The following FAIM variants were observed in gnomAD, a reference collection of about 807,000 sequenced individuals.
The protein encoded by FAIM is Fas apoptotic inhibitory molecule.
Under a neutral mutation model 21.2 loss-of-function variants are expected in FAIM, and 14 were observed. The observed-to-expected ratio is 0.66, with a 90% CI of 0.44 to 1.03. The LOEUF (loss-of-function observed/expected upper bound fraction) is 1.03, where lower values mean the gene tolerates loss of function less well. Among genes scored for constraint, FAIM ranks in the 50% least tolerant of loss-of-function variants. The pLI, the probability that FAIM is intolerant of heterozygous loss-of-function variation, is 0.00. For missense variants in FAIM, 222 were observed against 247.1 expected (o/e 0.90, Z 0.68); for synonymous variants, 86 against 80.4 (o/e 1.07, Z -0.37).
At chr3:138,611,058 C>T (rs772639483) in intron 1 of FAIM, 1 of 1,570,740 alleles carries the variant, frequency 6.4e-7, no homozygotes, top group Non-Finnish European at 8.8e-7. Flanking sequence ...TGCCCAGAGC[C>T]TGGTACATAA....
At chr3:138,628,630 A>G (rs142044939) in intron 4 of FAIM, among the ~76,000 whole-genome samples, 1,556 of 151,948 alleles carry the variant, frequency 0.01, 24 homozygotes, top group East Asian at 0.078. Context: ...GACTACAGGC[A>G]CCCACCACCA....
chr3:138,632,244 A>G (rs1256457949), intron 5 of FAIM, among the ~76,000 whole-genome samples: 1 of 151,656 alleles, frequency 6.6e-6, no homozygotes, highest in East Asian at 1.9e-4. Flanking sequence ...TTTGATTTAA[A>G]TCAATATACC....
chr3:138,623,223 GTTTT>G (rs560789239), intron 4 of FAIM, among the ~76,000 whole-genome samples: 7 of 151,730 alleles, frequency 4.6e-5, no homozygotes, highest in Non-Finnish European at 1.5e-5. Flanking sequence ...TTTTTGAAGA[GTTTT>G]TTTTGTTTGT....
At chr3:138,619,826 T>A (rs1472291228) in intron 2 of FAIM, 56 bp downstream of exon 2, 1 of 1,456,796 alleles carries the variant, frequency 6.9e-7, no homozygotes, top group Non-Finnish European at 9.6e-7. Context: ...ATTGTTATCA[T>A]TCAAAAGAGT....
intron 4 of FAIM, among the ~76,000 whole-genome samples, chr3:138,625,274 C>G (rs1407778818): frequency 2.6e-5 from 4 of 151,912 alleles, no homozygotes; most frequent in Non-Finnish European, 4.4e-5. Flanking sequence ...ACCAGCCTGA[C>G]CAACATGGTG....
At chr3:138,613,408 T>C (rs1279924629) in intron 1 of FAIM, among the ~76,000 whole-genome samples, 1 of 152,214 alleles carries the variant, frequency 6.6e-6, no homozygotes, top group African/African-American at 2.4e-5. Context: ...CTATCAGATA[T>C]ATGATTTCCA....
intron 1 of FAIM, among the ~76,000 whole-genome samples, chr3:138,612,209 T>A (rs1229451132): frequency 1.3e-5 from 2 of 149,734 alleles, no homozygotes; most frequent in Non-Finnish European, 1.5e-5. Flanking sequence ...CACGCCATTC[T>A]CCTGCCTCGG....
intron 4 of FAIM, 30 bp downstream of exon 4, chr3:138,622,446 T>C (rs774437301): frequency 7.1e-7 from 1 of 1,400,486 alleles, no homozygotes; most frequent in Non-Finnish European, 9.8e-7. Context: ...GCAGAACTTT[T>C]TTTTTTTTTT....
rs2042717813 is a variant in FAIM at position 138,608,862 on chromosome 3, C to G, written c.-92C>G. ...GGCCAGGGGAGCAAGGCCACGCGGC[C>G]TACGCAGCCGAGTCGGAACCAACCG... is the stretch of plus-strand genomic sequence containing the variant. On this transcript the variant is annotated 5_prime_UTR_variant, in exon 1 of 6. Coordinates refer to ENST00000360570, the MANE Select transcript of FAIM (RefSeq NM_001033031.2). The G allele has an allele frequency of 6.6e-6, 1 of 152,380 alleles. No individual in the cohort carries two copies. The highest frequency in any genetic ancestry group is 1.5e-5 in the Non-Finnish European group (1 of 68,176). 9.4% of individuals were successfully genotyped at this position (152,380 alleles called of 1,614,324 possible).
intron 1 of FAIM, among the ~76,000 whole-genome samples, chr3:138,615,551 G>A (rs536932839): frequency 6.6e-6 from 1 of 152,134 alleles, no homozygotes; most frequent in African/African-American, 2.4e-5. Context: ...CTGTGCTTTA[G>A]TGCCTTTTAG....
rs1342195380 is a variant in FAIM at position 138,633,019 on chromosome 3, A to ATTTC, written c.546_547insTTTC (p.Glu183PhefsTer12). ...AGGCTGTCAGTAGTGGGAAGCGGAA[A>ATTTC]GAAGGGATTATTCATACTCTCATTG... On this transcript the variant is annotated frameshift_variant, in exon 6 of 6. Coordinates refer to ENST00000360570, the MANE Select transcript of FAIM (RefSeq NM_001033031.2). LOFTEE classifies it high-confidence loss of function. The ATTTC allele has an allele frequency of 1.2e-6, 2 of 1,613,992 alleles. No homozygotes were observed. The highest frequency in any genetic ancestry group is 1.7e-6 in the Non-Finnish European group (2 of 1,179,938).
chr3:138,625,379 C>T (rs2042928600), intron 4 of FAIM, among the ~76,000 whole-genome samples: 1 of 151,938 alleles, frequency 6.6e-6, no homozygotes, highest in African/African-American at 2.4e-5. Flanking sequence ...AGGAGAATTG[C>T]TTGAGCCTGG....
intron 1 of FAIM, 87 bp from the exon 2 acceptor site, chr3:138,619,623 AC>A: frequency 8.6e-7 from 1 of 1,168,824 alleles, no homozygotes; most frequent in South Asian, 1.4e-5. Context: ...AATTAGAAAA[AC>A]CCTTTGTAGA....
At chr3:138,624,504 G>A (rs1330456025) in intron 4 of FAIM, among the ~76,000 whole-genome samples, 1 of 152,162 alleles carries the variant, frequency 6.6e-6, no homozygotes. Context: ...GCCTGGAAAT[G>A]AGACAGAGTT....
At chr3:138,611,011 G>C in intron 1 of FAIM, 1 of 1,613,740 alleles carries the variant, frequency 6.2e-7, no homozygotes, top group Non-Finnish European at 8.5e-7. Flanking sequence ...ATCATCTCTT[G>C]GTATCTCCGG....
intron 4 of FAIM, among the ~76,000 whole-genome samples, chr3:138,623,170 A>C (rs1424555328): frequency 6.6e-6 from 1 of 152,214 alleles, no homozygotes; most frequent in Non-Finnish European, 1.5e-5. Context: ...AGATAACAAT[A>C]GGCTTAGGAC....
At chr3:138,629,510 T>C (rs1341660525) in intron 5 of FAIM, 1 of 166,684 alleles carries the variant, frequency 6.0e-6, no homozygotes, top group Non-Finnish European at 1.3e-5. Flanking sequence ...AAGTGGTGCG[T>C]TATCACTGCT....
chr3:138,609,599 T>TCTCTCTCTCGA (rs2042743155), intron 1 of FAIM, among the ~76,000 whole-genome samples: 1 of 69,416 alleles, frequency 1.4e-5, no homozygotes, highest in Admixed American at 1.9e-4. Flanking sequence ...CTCGACTCTC[T>TCTCTCTCTCGA]CTCTCTCTCT....
intron 4 of FAIM, 73 bp downstream of exon 4, chr3:138,622,489 C>A: frequency 2.1e-6 from 2 of 973,810 alleles, no homozygotes; most frequent in South Asian, 1.7e-5. Context: ...TAACTGTATT[C>A]AGACCTTCTA....
Sources: allele counts gnomAD v4.1 joint callset (sites outside exome capture counted in the v4.1 genomes callset), GRCh38; gene constraint gnomAD v4.1.1; transcripts MANE v1.5; gene names NCBI Gene and HGNC (gene_info 2026-07-23, HGNC 2026-07-21).